The following AFMID variants were observed in gnomAD, a reference collection of about 807,000 sequenced individuals.
The protein encoded by AFMID is arylformamidase.
Under a neutral mutation model 47.5 loss-of-function variants are expected in AFMID, and 39 were observed. The ratio of observed to expected loss-of-function variants is 0.82; its 90% CI spans 0.64 to 1.07. The LOEUF (loss-of-function observed/expected upper bound fraction) is 1.07. Among genes scored for constraint, AFMID ranks in the 50% least tolerant of loss-of-function variants. The pLI, the probability that AFMID is intolerant of heterozygous loss-of-function variation, is 0.00. For synonymous variants in AFMID, 130 were observed against 153.2 expected (o/e 0.85, Z 1.12); for missense variants, 375 against 387.5 (o/e 0.97, Z 0.27).
At chr17:78,187,658 G>C (rs1030691340) in intron 1 of AFMID, among the ~76,000 whole-genome samples, 1 of 152,006 alleles carries the variant, frequency 6.6e-6, no homozygotes, top group African/African-American at 2.4e-5. Flanking sequence ...TTGAAGTCCT[G>C]ACTATGCTAA....
Position 78,206,908 on chromosome 17 carries a change from C to T in AFMID, c.886-3C>T. The T allele has an allele frequency of 6.2e-7, 1 of 1,613,970 alleles. No individual in the cohort carries two copies. Among genetic ancestry groups the T allele is most frequent in the African/African-American group, 1.3e-5 (1 of 75,016 alleles). Reference sequence around the variant, plus strand: ...GCTTTTGTGTCTTCTCTTCCTGTTCCAGATTATCTTGAAAACAATCTTCCA... The same window carrying T: ...GCTTTTGTGTCTTCTCTTCCTGTTCTAGATTATCTTGAAAACAATCTTCCA... On this transcript the variant is annotated splice_polypyrimidine_tract_variant and splice_region_variant and intron_variant, in intron 10 of 10. Transcript: ENST00000409257.
At position 78,207,196 on chromosome 17, in the gene AFMID, C is replaced by A. The variant is rs963621761; in HGVS notation, c.*259C>A. The A allele has an allele frequency of 3.7e-6, 2 of 543,160 alleles. No homozygotes were observed. Among genetic ancestry groups the A allele is most frequent in the East Asian group, 3.4e-5 (1 of 29,790 alleles). 33.6% of individuals were successfully genotyped at this position (543,160 alleles called of 1,614,324 possible). A position where few individuals can be genotyped will look rare whatever the true frequency, so the allele number is the denominator to read the frequency against. On this transcript the variant is annotated 3_prime_UTR_variant, in exon 11 of 11. Transcript: ENST00000409257. ...CAATGCTCAGAGATGCCCGGAGCTG[C>A]CTCTTAGACTCGTCTGGCCCATCTA...
intron 7 of AFMID, 107 bp from the exon 8 acceptor site, chr17:78,205,333 T>G: frequency 6.9e-7 from 1 of 1,451,276 alleles, no homozygotes; most frequent in Non-Finnish European, 9.6e-7. Context: ...CTTCTCTGCC[T>G]CCTCTGTGCC....
At chr17:78,190,855 G>C (rs1045221608) in intron 1 of AFMID, 115 bp from the exon 2 acceptor site, 6 of 849,800 alleles carry the variant, frequency 7.1e-6, no homozygotes, top group African/African-American at 1.7e-5. Flanking sequence ...GAGACCCTGG[G>C]ATACTGGGGC....
chr17:78,206,859 G>T, intron 10 of AFMID, 52 bp from the exon 11 acceptor site: 2 of 1,604,734 alleles, frequency 1.2e-6, no homozygotes, highest in Non-Finnish European at 1.7e-6. Context: ...TCAAATTCCT[G>T]CAAAGAGCTG....
rs760816370 is a variant in AFMID, at chr17:78,202,615, A to G, written c.259+12A>G. 2 of 1,420,986 alleles carry G rather than the reference A, an allele frequency of 1.4e-6. No individual in the cohort carries two copies. The highest frequency in any genetic ancestry group is 1.7e-5 in the Admixed American group (1 of 58,030). 88.0% of individuals were successfully genotyped at this position (1,420,986 alleles called of 1,614,324 possible). Reference sequence around the variant, plus strand: ...CGAGTCGTCTGAAGGTTGTCGGTGAAGGGGCTGGGGGTCCCGGGGCTTGGG... The same window carrying G: ...CGAGTCGTCTGAAGGTTGTCGGTGAGGGGGCTGGGGGTCCCGGGGCTTGGG... On this transcript the variant is annotated intron_variant, in intron 3 of 10. Transcript: ENST00000409257.
rs745685881 is a variant in AFMID, at chr17:78,205,936, C to A, written c.781-10C>A. On this transcript the variant is annotated splice_polypyrimidine_tract_variant and intron_variant, in intron 9 of 10. Transcript: ENST00000409257. ...GCTCAGGCCCCTCTTCCCATGTCTCCCCTGCCCAGACCCTGTGTCAAGGAG... is the reference window on the plus strand; with the variant it reads ...GCTCAGGCCCCTCTTCCCATGTCTCACCTGCCCAGACCCTGTGTCAAGGAG... 1.2e-6 allele frequency: 2 copies of A among 1,612,622 alleles called. No homozygotes were observed. The highest frequency in any genetic ancestry group is 1.7e-6 in the Non-Finnish European group (2 of 1,179,520).
intron 2 of AFMID, among the ~76,000 whole-genome samples, chr17:78,192,180 T>G (rs1285141460): frequency 6.6e-6 from 1 of 151,168 alleles, no homozygotes; most frequent in Non-Finnish European, 1.5e-5. Context: ...TTTGTATTTT[T>G]TTTTTTTTTT....
rs144686331 is a variant in AFMID, at chr17:78,195,659, C to A, written c.154+4599C>A. Among the ~76,000 whole-genome samples the A allele has an allele frequency of 2.4e-4, 37 of 151,832 alleles. No homozygotes were observed. In the East Asian group the frequency reaches 6.8e-3, roughly 28 times the overall value. ...CTGGGATTACAGGCGTGCGCCACCA[C>A]GTCCAGCTAATTTTGTATTTTTAGT... On this transcript the variant is annotated intron_variant, in intron 2 of 10. Transcript: ENST00000409257.
chr17:78,196,291 G>A (rs771201025), intron 2 of AFMID, among the ~76,000 whole-genome samples: 8 of 152,208 alleles, frequency 5.3e-5, no homozygotes, highest in Non-Finnish European at 1.2e-4. Context: ...CTTGAACTCA[G>A]GAGGCAGAGG....
At chr17:78,203,044 T>A in intron 4 of AFMID, 1 of 273,238 alleles carries the variant, frequency 3.7e-6, no homozygotes, top group Non-Finnish European at 6.9e-6. Context: ...GGGTCTCAAA[T>A]CTTCCTCTCT....
Position 78,205,720 on chromosome 17 carries a change from G to A in AFMID, c.762G>A (p.Gln254=). ...TCGACTCCCCCGAATTCCACCGACA[G>A]TCCTGGGAGTTTTACCAGGTACTCC... ...GQFDSPEFHR[Q]SWEFYQTLCQ... is the part of the protein sequence containing the mutation. Residue 254 remains glutamine (Q), a synonymous_variant, in exon 9 of 11, where the codon CAG becomes CAA. Coordinates refer to ENST00000409257, the MANE Select transcript of AFMID (RefSeq NM_001010982.5). 1 of 1,610,460 alleles carries A rather than the reference G, an allele frequency of 6.2e-7. No homozygotes were observed. The highest frequency in any genetic ancestry group is 8.5e-7 in the Non-Finnish European group (1 of 1,180,018).
intron 2 of AFMID, among the ~76,000 whole-genome samples, chr17:78,194,885 GGTTTCTCCAT>G (rs992021971): frequency 6.6e-6 from 1 of 151,834 alleles, no homozygotes; most frequent in African/African-American, 2.4e-5. Context: ...GTAGAGACGG[GGTTTCTCCAT>G]GTTGGTCAGG....
rs557116323 is a variant in AFMID at position 78,194,809 on chromosome 17, C to T, written c.154+3749C>T. Among the ~76,000 whole-genome samples, 10 of 152,228 alleles carry T rather than the reference C, an allele frequency of 6.6e-5. No individual in the cohort carries two copies. In the South Asian group the frequency reaches 1.9e-3, roughly 28 times the overall value. ...TCCCAGGTTCAAGCGATTCTCCTGC[C>T]TCAGCCTCCTGAGTATCTGGGATTA... On this transcript the variant is annotated intron_variant, in intron 2 of 10. Coordinates refer to ENST00000409257, the MANE Select transcript of AFMID (RefSeq NM_001010982.5).
At position 78,202,561 on chromosome 17, in the gene AFMID, G is replaced by C; in HGVS notation, c.217G>C (p.Gly73Arg). 6.2e-7 allele frequency: 1 copy of C among 1,614,148 alleles called. No individual in the cohort carries two copies. ...GCATGTCCCCTATGGAGACGGCGAA[G>C]GGGAGAAAGTGGACATTTACTTCCC... ...LLHVPYGDGE[G>R]EKVDIYFPDE... The change falls in exon 3 of 11, where the codon GGG becomes CGG. Residue 73 changes from glycine (G) to arginine (R), a missense_variant. Transcript: ENST00000409257.
intron 2 of AFMID, among the ~76,000 whole-genome samples, chr17:78,200,084 G>A (rs545706339): frequency 6.6e-6 from 1 of 152,216 alleles, no homozygotes; most frequent in African/African-American, 2.4e-5. Flanking sequence ...CTAACCCTGG[G>A]AACCTATGAA....
rs577918941 is a variant in AFMID at position 78,197,586 on chromosome 17, G to A, written c.155-4913G>A. 64 of 200,134 alleles carry A rather than the reference G, an allele frequency of 3.2e-4. 1 individual carries two copies. The highest frequency in any genetic ancestry group is 1.2e-3 in the African/African-American group (53 of 42,428). The allele number at this position is 200,134 out of a possible 1,614,324, so 12.4% of individuals were successfully genotyped here. ...CCCAGTCTGGTATTTTGTTATAGCC[G>A]CCCAGGCTGACTCAGACAGGAGCCC... is the stretch of plus-strand genomic sequence containing the variant. On this transcript the variant is annotated intron_variant, in intron 2 of 10. Coordinates refer to ENST00000409257, the MANE Select transcript of AFMID (RefSeq NM_001010982.5).
intron 2 of AFMID, among the ~76,000 whole-genome samples, chr17:78,198,459 T>G (rs144832486): frequency 0.033 from 4,825 of 144,880 alleles, 251 homozygotes; most frequent in African/African-American, 0.11. Context: ...AAAAAAAAAA[T>G]TAGCCATGCA....
intron 1 of AFMID, among the ~76,000 whole-genome samples, chr17:78,189,284 G>A (rs2075894912): frequency 6.8e-6 from 1 of 147,766 alleles, no homozygotes; most frequent in Non-Finnish European, 1.5e-5. Flanking sequence ...GTGCAATGGT[G>A]GGATCTCAGC....
Sources: allele counts gnomAD v4.1 joint callset (sites outside exome capture counted in the v4.1 genomes callset), GRCh38; gene constraint gnomAD v4.1.1; transcripts MANE v1.5; gene names NCBI Gene and HGNC (gene_info 2026-07-23, HGNC 2026-07-21).